The following GSE1 variants were observed in gnomAD, a reference collection of about 807,000 sequenced individuals.
GSE1 encodes genetic suppressor element 1.
Under a neutral mutation model 112.6 loss-of-function variants are expected in GSE1, and 32 were observed. That is an observed-to-expected ratio of 0.28 (90% CI 0.21 to 0.38). GSE1 has a LOEUF of 0.38. Among genes scored for constraint, GSE1 ranks in the 10% least tolerant of loss-of-function variants. GSE1 has a pLI of 1.00. For missense variants in GSE1, 2,348 were observed against 1,699.2 expected (o/e 1.38, Z -6.71); for synonymous variants, 1,115 against 735.6 (o/e 1.52, Z -8.35).
At chr16:85,389,154 AG>A (rs2047773772) in intron 2 of GSE1, among the ~76,000 whole-genome samples, 2 of 152,190 alleles carry the variant, frequency 1.3e-5, no homozygotes. Context: ...CTGATAGAGC[AG>A]AACCTCATTA....
At chr16:85,557,380 C>T (rs1228625991) in intron 1 of GSE1, among the ~76,000 whole-genome samples, 1 of 151,930 alleles carries the variant, frequency 6.6e-6, no homozygotes, top group Non-Finnish European at 1.5e-5. Flanking sequence ...CTTTGACACA[C>T]GGTACCTAAT....
At chr16:85,340,994 T>C (rs1201481749) in intron 1 of GSE1, among the ~76,000 whole-genome samples, 1 of 152,316 alleles carries the variant, frequency 6.6e-6, no homozygotes, top group East Asian at 1.9e-4. Flanking sequence ...AAGGATTAAG[T>C]GAGTTAAAAT....
chr16:85,421,436 A>G (rs1020168997), intron 2 of GSE1, among the ~76,000 whole-genome samples: 2 of 152,106 alleles, frequency 1.3e-5, no homozygotes, highest in Non-Finnish European at 2.9e-5. Flanking sequence ...GCCTCATTCA[A>G]CCAGGAGAAA....
intron 1 of GSE1, among the ~76,000 whole-genome samples, chr16:85,322,752 A>G (rs1162746259): frequency 2.0e-5 from 3 of 151,724 alleles, no homozygotes; most frequent in African/African-American, 7.3e-5. Context: ...AGTAGCTGGG[A>G]CTACAGACGT....
At chr16:85,251,342 C>G (rs1482148750) in intron 1 of GSE1, among the ~76,000 whole-genome samples, 1 of 152,252 alleles carries the variant, frequency 6.6e-6, no homozygotes, top group Non-Finnish European at 1.5e-5. Context: ...CACCGTGTCC[C>G]AGCACCCAGC....
intron 12 of GSE1, 107 bp downstream of exon 12, chr16:85,665,235 G>A (rs2052745034): frequency 1.5e-6 from 1 of 654,672 alleles, no homozygotes; most frequent in African/African-American, 1.8e-5. Context: ...GTGGCCTCCT[G>A]CAGGCTGTCT....
At chr16:85,461,350 G>C (rs998638691) in intron 2 of GSE1, among the ~76,000 whole-genome samples, 5 of 152,192 alleles carry the variant, frequency 3.3e-5, no homozygotes, top group Non-Finnish European at 7.3e-5. Flanking sequence ...ATGCCCTGGG[G>C]GACAACCCCC....
intron 2 of GSE1, among the ~76,000 whole-genome samples, chr16:85,486,783 C>T (rs780652274): frequency 2.0e-5 from 3 of 152,192 alleles, no homozygotes; most frequent in East Asian, 3.9e-4. Context: ...CCCAGCCCCC[C>T]GTTCGTGGCT....
At chr16:85,233,183 G>C (rs191736584) in intron 1 of GSE1, among the ~76,000 whole-genome samples, 1 of 152,270 alleles carries the variant, frequency 6.6e-6, no homozygotes, top group African/African-American at 2.4e-5. Context: ...TGTTTCCCTC[G>C]TGGGACCCTG....
intron 1 of GSE1, among the ~76,000 whole-genome samples, chr16:85,330,363 G>A (rs564591312): frequency 6.6e-6 from 1 of 152,360 alleles, no homozygotes; most frequent in East Asian, 1.9e-4. Flanking sequence ...GGGGCCTGGA[G>A]AAGCTGGAAG....
chr16:85,651,728 C>A (rs1221668437), intron 3 of GSE1, among the ~76,000 whole-genome samples: 2 of 152,204 alleles, frequency 1.3e-5, no homozygotes, highest in Non-Finnish European at 2.9e-5. Flanking sequence ...GATTGAAGCC[C>A]CTGGCTGTCG....
intron 2 of GSE1, among the ~76,000 whole-genome samples, chr16:85,411,020 TG>T (rs1597664238): frequency 2.5e-4 from 4 of 16,266 alleles, no homozygotes; most frequent in South Asian, 3.2e-3. Context: ...AGAGCCCCCC[TG>T]GATAATCCTC....
At chr16:85,638,615 A>C (rs1414607787) in intron 2 of GSE1, among the ~76,000 whole-genome samples, 3 of 151,956 alleles carry the variant, frequency 2.0e-5, no homozygotes, top group African/African-American at 7.3e-5. Context: ...TGGTGGCATG[A>C]GTGTCAATGC....
At chr16:85,670,299 T>G (rs993252224) in intron 14 of GSE1, among the ~76,000 whole-genome samples, 19 of 152,230 alleles carry the variant, frequency 1.2e-4, no homozygotes, top group African/African-American at 4.6e-4. Flanking sequence ...AGAGAGGCAC[T>G]GGTGGGGCCC....
chr16:85,613,482 G>C (rs999111121), intron 1 of GSE1, 84 bp downstream of exon 1: 44 of 1,273,370 alleles, frequency 3.5e-5, no homozygotes, highest in Admixed American at 2.7e-5. Context: ...CGGGTTTCGC[G>C]GGGGCGGCCG....
intron 2 of GSE1, among the ~76,000 whole-genome samples, chr16:85,641,272 T>C (rs942581745): frequency 6.6e-6 from 1 of 152,214 alleles, no homozygotes; most frequent in Non-Finnish European, 1.5e-5. Flanking sequence ...GCTCCCAGGG[T>C]CCAGCATCTA....
chr16:85,654,757 C>T lies in GSE1; in HGVS notation c.600-37C>T, dbSNP rs377155186. 9.1e-5 allele frequency: 124 copies of T among 1,365,052 alleles called. No homozygotes were observed. In the African/African-American group the frequency reaches 1.5e-3, roughly 16 times the overall value. 84.6% of individuals were successfully genotyped at this position (1,365,052 alleles called of 1,614,324 possible). On this transcript the variant is annotated intron_variant, in intron 4 of 15. Coordinates refer to ENST00000253458, the MANE Select transcript of GSE1 (RefSeq NM_014615.5). ...CCCCATGCAGGAGCAGGTGTGCACT[C>T]ACCTGTCCCCACCTTGCCCACTATC...
At chr16:85,418,189 T>C (rs2048746926) in intron 2 of GSE1, among the ~76,000 whole-genome samples, 1 of 152,190 alleles carries the variant, frequency 6.6e-6, no homozygotes. Flanking sequence ...ACATTGCGAG[T>C]CACCATGCCA....
At chr16:85,629,876 G>C (rs914907091) in intron 1 of GSE1, among the ~76,000 whole-genome samples, 2 of 152,210 alleles carry the variant, frequency 1.3e-5, no homozygotes, top group African/African-American at 4.8e-5. Context: ...GTTATCTAGC[G>C]TTGTGTGACC....
Sources: allele counts gnomAD v4.1 joint callset (sites outside exome capture counted in the v4.1 genomes callset), GRCh38; gene constraint gnomAD v4.1.1; transcripts MANE v1.5; gene names NCBI Gene and HGNC (gene_info 2026-07-23, HGNC 2026-07-21).